RAP1GDS1: variants seen among roughly 807,000 people sequenced by gnomAD.
The protein encoded by RAP1GDS1 is Rap1 GTPase-GDP dissociation stimulator 1.
A neutral mutation model predicts 71.1 loss-of-function variants in RAP1GDS1; 35 were observed. The ratio of observed to expected loss-of-function variants is 0.49; its 90% CI spans 0.38 to 0.65. RAP1GDS1 has a LOEUF of 0.65. RAP1GDS1 is among the 30% of genes least tolerant of loss of function. The probability of loss-of-function intolerance (pLI) is 0.00; values close to 1 mark genes in which losing one functional copy is unlikely to be tolerated. For synonymous variants in RAP1GDS1, 229 were observed against 243.1 expected, an observed-to-expected ratio of 0.94 and a Z score of 0.54; for missense variants, 663 against 706.1, an observed-to-expected ratio of 0.94 and a Z score of 0.69.
At chr4:98,304,935 G>A (rs745411927) in intron 2 of RAP1GDS1, among the ~76,000 whole-genome samples, 2 of 151,762 alleles carry the variant, frequency 1.3e-5, no homozygotes, top group Non-Finnish European at 2.9e-5. Flanking sequence ...TTCCCAGCAC[G>A]ATTTATTAAA....
intron 3 of RAP1GDS1, among the ~76,000 whole-genome samples, chr4:98,349,228 C>G (rs1380318290): frequency 6.6e-6 from 1 of 152,108 alleles, no homozygotes; most frequent in Admixed American, 6.5e-5. Flanking sequence ...ATAGGGAATC[C>G]TTTCCTATTT....
At chr4:98,358,377 G>T (rs1738245797) in intron 4 of RAP1GDS1, among the ~76,000 whole-genome samples, 1 of 152,018 alleles carries the variant, frequency 6.6e-6, no homozygotes, top group Admixed American at 6.6e-5. Context: ...CTTTACAGAA[G>T]GTAGTTTTAT....
At chr4:98,440,858 T>C (rs6835676) in intron 14 of RAP1GDS1, among the ~76,000 whole-genome samples, 24,944 of 152,110 alleles carry the variant, frequency 0.16, 2,866 homozygotes, top group African/African-American at 0.32. Flanking sequence ...GCTGGGATTA[T>C]AGGCATGCAC....
At chr4:98,336,957 T>C (rs1026267348) in intron 2 of RAP1GDS1, among the ~76,000 whole-genome samples, 1 of 152,116 alleles carries the variant, frequency 6.6e-6, no homozygotes, top group African/African-American at 2.4e-5. Context: ...TGCAGTGGCA[T>C]GATCTCAGCT....
chr4:98,300,209 G>A (rs149274178), intron 2 of RAP1GDS1, among the ~76,000 whole-genome samples: 211 of 152,216 alleles, frequency 1.4e-3, no homozygotes, highest in African/African-American at 4.7e-3. Context: ...CCCTGATTAG[G>A]TGGTGGTTAG....
chr4:98,414,776 G>A (rs547005438), intron 7 of RAP1GDS1, among the ~76,000 whole-genome samples: 2 of 152,152 alleles, frequency 1.3e-5, no homozygotes, highest in South Asian at 4.2e-4. Context: ...GCTTTATGGG[G>A]ATGGCATTGA....
chr4:98,376,301 C>G (rs1197239649), intron 4 of RAP1GDS1, among the ~76,000 whole-genome samples: 1 of 151,992 alleles, frequency 6.6e-6, no homozygotes, highest in Non-Finnish European at 1.5e-5. Flanking sequence ...TGAGCTTACA[C>G]TTAGGGATAC....
At position 98,354,123 on chromosome 4, in the gene RAP1GDS1, C is replaced by T. The variant is rs1274751434; in HGVS notation, c.361+1522C>T. 9.5e-5 allele frequency among the ~76,000 whole-genome samples: 14 copies of T among 147,408 alleles called. No homozygotes were observed. The East Asian group carries it at 2.0e-3, about 21-fold the overall frequency. ...CAGGCCGGACTGCGGACTGCAGTGG[C>T]GCAATCTCGGCTCACTGCAAGCTCC... On this transcript the variant is annotated intron_variant, in intron 4 of 14. Coordinates refer to ENST00000408927, the MANE Select transcript of RAP1GDS1 (RefSeq NM_001100427.2).
chr4:98,275,009 T>A (rs1228193447), intron 1 of RAP1GDS1, among the ~76,000 whole-genome samples: 1 of 150,112 alleles, frequency 6.7e-6, no homozygotes, highest in Non-Finnish European at 1.5e-5. Context: ...AAGCTTAATT[T>A]GTTTGCAGCT....
At chr4:98,323,813 A>G (rs1447059162) in intron 2 of RAP1GDS1, among the ~76,000 whole-genome samples, 2 of 151,122 alleles carry the variant, frequency 1.3e-5, no homozygotes, top group African/African-American at 4.9e-5. Flanking sequence ...CACAGCCAAT[A>G]TCATACTGAA....
At chr4:98,282,177 A>G (rs1170383510) in intron 1 of RAP1GDS1, among the ~76,000 whole-genome samples, 2 of 152,192 alleles carry the variant, frequency 1.3e-5, no homozygotes, top group South Asian at 2.1e-4. Context: ...TAGTTTCAGA[A>G]GGAATGGTAC....
chr4:98,388,827 T>G (rs1743171790), intron 5 of RAP1GDS1, among the ~76,000 whole-genome samples: 1 of 152,096 alleles, frequency 6.6e-6, no homozygotes, highest in South Asian at 2.1e-4. Context: ...CCTAGAAGAC[T>G]TTTTTTATGT....
intron 5 of RAP1GDS1, among the ~76,000 whole-genome samples, chr4:98,388,827 T>A (rs1743171790): frequency 6.6e-6 from 1 of 152,096 alleles, no homozygotes; most frequent in South Asian, 2.1e-4. Flanking sequence ...CCTAGAAGAC[T>A]TTTTTTATGT....
chr4:98,372,988 C>T (rs954410685), intron 4 of RAP1GDS1, among the ~76,000 whole-genome samples: 2 of 152,186 alleles, frequency 1.3e-5, no homozygotes, highest in Non-Finnish European at 2.9e-5. Context: ...CTGTACCTGG[C>T]CTGTTTTTAC....
intron 3 of RAP1GDS1, among the ~76,000 whole-genome samples, chr4:98,348,118 C>A (rs1736576510): frequency 1.3e-5 from 2 of 151,294 alleles, no homozygotes. Flanking sequence ...CTCCCCCGTA[C>A]CCCCACCCCA....
chr4:98,402,929 A>G (rs900403699), intron 6 of RAP1GDS1, among the ~76,000 whole-genome samples: 1 of 152,234 alleles, frequency 6.6e-6, no homozygotes, highest in African/African-American at 2.4e-5. Context: ...ATAAACTAAC[A>G]TATAATTACA....
intron 2 of RAP1GDS1, among the ~76,000 whole-genome samples, chr4:98,318,506 A>C (rs1731281870): frequency 6.6e-6 from 1 of 152,226 alleles, no homozygotes; most frequent in Non-Finnish European, 1.5e-5. Context: ...AAAATACTTT[A>C]TTGTACTGTA....
At chr4:98,398,819 A>G (rs1435446994) in intron 6 of RAP1GDS1, among the ~76,000 whole-genome samples, 1 of 152,180 alleles carries the variant, frequency 6.6e-6, no homozygotes, top group Non-Finnish European at 1.5e-5. Context: ...TCAAGAAGGC[A>G]ATCCTATTTA....
At chr4:98,319,011 C>A (rs1720474413) in intron 2 of RAP1GDS1, among the ~76,000 whole-genome samples, 1 of 152,134 alleles carries the variant, frequency 6.6e-6, no homozygotes, top group Non-Finnish European at 1.5e-5. Context: ...GGTTCTGGAA[C>A]CATGGCTGAT....
Sources: gnomAD v4.1 joint callset for allele counts (sites outside exome capture counted in the v4.1 genomes callset) on GRCh38, gnomAD v4.1.1 for gene constraint, MANE v1.5 for transcripts, NCBI Gene and HGNC (gene_info 2026-07-23, HGNC 2026-07-21) for gene names.